MVB12B: variants seen among roughly 807,000 people sequenced by gnomAD.
MVB12B encodes ESCRT-I complex subunit MVB12B.
MVB12B carries 16 observed loss-of-function variants against 41.6 expected under a neutral mutation model. That is an observed-to-expected ratio of 0.38 (90% confidence interval 0.26 to 0.58). MVB12B has a LOEUF of 0.58. Ranked by LOEUF, MVB12B falls within the 20% of genes least tolerant of loss-of-function variation. The pLI is 0.62. For synonymous variants in MVB12B, 133 were observed against 139.7 expected, an observed-to-expected ratio of 0.95 and a Z score of 0.34; for missense variants, 274 against 380.2, an observed-to-expected ratio of 0.72 and a Z score of 2.32.
At chr9:126,348,940 T>C (rs1413589750) in intron 2 of MVB12B, among the ~76,000 whole-genome samples, 2 of 152,114 alleles carry the variant, frequency 1.3e-5, no homozygotes, top group Non-Finnish European at 2.9e-5. Context: ...TTTATTCATA[T>C]ATGATGTGGC....
In MVB12B at chr9:126,503,347, C is replaced by T. The variant is rs1834003052; in HGVS notation, c.*84C>T. Reference sequence around the variant, plus strand: ...TGCTGCCCCCGCCTCCTCCTGCCGCCTCCGCCAGCCCTCCCTCCCACACTG... The same window carrying T: ...TGCTGCCCCCGCCTCCTCCTGCCGCTTCCGCCAGCCCTCCCTCCCACACTG... On this transcript the variant is annotated 3_prime_UTR_variant, in exon 10 of 10. Coordinates refer to ENST00000361171, the MANE Select transcript of MVB12B (RefSeq NM_033446.3). The T allele has an allele frequency of 5.3e-6, 6 of 1,135,756 alleles. No individual in the cohort carries two copies. The highest frequency in any genetic ancestry group is 6.3e-6 in the Non-Finnish European group (5 of 792,222). The allele number at this position is 1,135,756 out of a possible 1,614,324, so 70.4% of individuals were successfully genotyped here.
chr9:126,390,976 A>T (rs1462216256), intron 4 of MVB12B, among the ~76,000 whole-genome samples: 2 of 151,482 alleles, frequency 1.3e-5, no homozygotes, highest in African/African-American at 4.9e-5. Context: ...AAAAGAGCAG[A>T]AGGAATGACA....
intron 8 of MVB12B, among the ~76,000 whole-genome samples, chr9:126,482,290 A>C (rs1296725898): frequency 6.6e-6 from 1 of 152,220 alleles, no homozygotes; most frequent in East Asian, 1.9e-4. Flanking sequence ...GCTAATAAAC[A>C]TGAAGGCCCC....
chr9:126,425,310 C>CA (rs1832143430), intron 7 of MVB12B, among the ~76,000 whole-genome samples: 1 of 152,126 alleles, frequency 6.6e-6, no homozygotes, highest in African/African-American at 2.4e-5. Flanking sequence ...TTAAAATTAA[C>CA]AAAAAATACA....
At position 126,469,896 on chromosome 9, in the gene MVB12B, C is replaced by T. The variant is rs191044590; in HGVS notation, c.758-11473C>T. Among the ~76,000 whole-genome samples, 14 of 152,270 alleles carry T rather than the reference C, an allele frequency of 9.2e-5. No homozygotes were observed. In the East Asian group the frequency reaches 2.7e-3, roughly 29 times the overall value. On this transcript the variant is annotated intron_variant, in intron 7 of 9. Transcript: ENST00000361171. ...AATGCAGTTGATCCCTGCCCCAAGC[C>T]ATTAAATATTTATAACGTTAAAAAA...
intron 2 of MVB12B, among the ~76,000 whole-genome samples, chr9:126,379,681 G>C (rs1419412803): frequency 2.0e-5 from 3 of 152,224 alleles, no homozygotes; most frequent in Non-Finnish European, 4.4e-5. Flanking sequence ...TGAAAAACAA[G>C]GATTTTTTCT....
intron 4 of MVB12B, among the ~76,000 whole-genome samples, chr9:126,387,643 T>G (rs1201535186): frequency 6.6e-6 from 1 of 152,252 alleles, no homozygotes; most frequent in Admixed American, 6.5e-5. Context: ...ATTTCAACAT[T>G]GGATTGCTTT....
rs778315432 is a variant in MVB12B at position 126,340,600 on chromosome 9, T to C, written c.174T>C (p.Ser58=). ...DPITGVGVVA[S]RNRAPTGYDV... Reference sequence around the variant, plus strand: ...TCACGGGAGTCGGGGTGGTGGCTTCTCGGAACCGAGCCCCGACAGGCTATG... The same window carrying C: ...TCACGGGAGTCGGGGTGGTGGCTTCCCGGAACCGAGCCCCGACAGGCTATG... Residue 58 remains serine (S), a synonymous_variant, in exon 2 of 10, where the codon TCT becomes TCC. Transcript: ENST00000361171. The surrounding 1 kb of genome is among the most constrained non-coding windows in gnomAD (Gnocchi z 4.0). The C allele has an allele frequency of 2.5e-6, 4 of 1,614,210 alleles. No homozygotes were observed. In the Admixed American group the frequency reaches 6.7e-5, roughly 27 times the overall value.
At chr9:126,423,628 T>C (rs1554778123) in intron 7 of MVB12B, among the ~76,000 whole-genome samples, 1 of 152,176 alleles carries the variant, frequency 6.6e-6, no homozygotes. Context: ...AAGCACCAAA[T>C]TGCTCTGCCA....
At chr9:126,361,431 G>A (rs1830027530) in intron 2 of MVB12B, among the ~76,000 whole-genome samples, 1 of 151,800 alleles carries the variant, frequency 6.6e-6, no homozygotes, top group South Asian at 2.1e-4. Flanking sequence ...TATCATTTTT[G>A]CTTTAAAGTT....
At position 126,484,032 on chromosome 9, in the gene MVB12B, G is replaced by C; in HGVS notation, c.873G>C (p.Glu291Asp). 4 of 1,613,972 alleles carry C rather than the reference G, an allele frequency of 2.5e-6. No individual in the cohort carries two copies. The highest frequency in any genetic ancestry group is 2.5e-6 in the Non-Finnish European group (3 of 1,179,996). Residue 291 changes from glutamate (E) to aspartate (D), a missense_variant and splice_region_variant, in exon 9 of 10, where the codon GAG becomes GAC. Coordinates refer to ENST00000361171, the MANE Select transcript of MVB12B (RefSeq NM_033446.3). ...TIKSLAEIEKEYEYSFRTEQS... is the reference protein window; with the variant it reads ...TIKSLAEIEKDYEYSFRTEQS... The stretch of plus-strand genomic sequence containing the variant: ...AATCTCTAGCAGAAATCGAAAAAGA[G>C]GTAAGCAAGCCATCAGGGGAGGGGA...
intron 7 of MVB12B, among the ~76,000 whole-genome samples, chr9:126,458,396 GCTC>G (rs1162725120): frequency 6.6e-6 from 1 of 152,160 alleles, no homozygotes; most frequent in Non-Finnish European, 1.5e-5. Flanking sequence ...CCTCTGGGCT[GCTC>G]CTTTTGGGGG....
chr9:126,462,357 C>G (rs560884663), intron 7 of MVB12B, among the ~76,000 whole-genome samples: 1 of 152,166 alleles, frequency 6.6e-6, no homozygotes, highest in Non-Finnish European at 1.5e-5. Flanking sequence ...TGTCACATTT[C>G]CGTGCCCGCA....
In MVB12B at chr9:126,414,195, T is replaced by C. The variant is rs1439046122; in HGVS notation, c.663-7659T>C. 6.6e-5 allele frequency among the ~76,000 whole-genome samples: 10 copies of C among 152,236 alleles called. 1 individual carries two copies. Among genetic ancestry groups the C allele is most frequent in the Non-Finnish European group, 5.9e-5 (4 of 68,042 alleles). On this transcript the variant is annotated intron_variant, in intron 6 of 9. Coordinates refer to ENST00000361171, the MANE Select transcript of MVB12B (RefSeq NM_033446.3). ...TGAAGGGCTTTTATATGGAGCTGTCTGCAGCTTAGTGGCCATGTTAATTGA... is the reference window on the plus strand; with the variant it reads ...TGAAGGGCTTTTATATGGAGCTGTCCGCAGCTTAGTGGCCATGTTAATTGA...
At chr9:126,485,723 T>G (rs576466586) in intron 9 of MVB12B, among the ~76,000 whole-genome samples, 1 of 151,874 alleles carries the variant, frequency 6.6e-6, no homozygotes, top group Admixed American at 6.6e-5. Context: ...GGAACACATC[T>G]GGCAGCCTGC....
chr9:126,407,431 C>T (rs1339146595), intron 6 of MVB12B, among the ~76,000 whole-genome samples: 1 of 152,170 alleles, frequency 6.6e-6, no homozygotes, highest in Non-Finnish European at 1.5e-5. Flanking sequence ...CAATAGGACA[C>T]GTTCACTCTT....
At chr9:126,465,946 C>T (rs1028470464) in intron 7 of MVB12B, among the ~76,000 whole-genome samples, 1 of 152,194 alleles carries the variant, frequency 6.6e-6, no homozygotes, top group African/African-American at 2.4e-5. Flanking sequence ...AAAGCCCTTT[C>T]TGTTTACTGA....
Position 126,340,674 on chromosome 9 carries a change from C to A in MVB12B, c.204+44C>A, listed in dbSNP as rs758817932. 4 of 1,603,738 alleles carry A rather than the reference C, an allele frequency of 2.5e-6. No homozygotes were observed. Among genetic ancestry groups the A allele is most frequent in the Non-Finnish European group, 3.4e-6 (4 of 1,172,326 alleles). ...TTGTACATTTTGCTCACTGATTCTA[C>A]AAGTATTTATCTCCTGTGTCCAAGA... is the stretch of plus-strand genomic sequence containing the variant. On this transcript the variant is annotated intron_variant, in intron 2 of 9. Transcript: ENST00000361171. The surrounding 1 kb of genome is among the most constrained non-coding windows in gnomAD (Gnocchi z 4.0).
intron 6 of MVB12B, chr9:126,408,341 G>A (rs1270880364): frequency 1.3e-5 from 2 of 152,192 alleles, no homozygotes; most frequent in Non-Finnish European, 2.9e-5. Flanking sequence ...CTCATTAAAA[G>A]AGATTTTCTT....
Sources: allele counts gnomAD v4.1 joint callset (sites outside exome capture counted in the v4.1 genomes callset), GRCh38; gene constraint gnomAD v4.1.1; non-coding constraint Gnocchi (gnomAD v3.1); transcripts MANE v1.5; gene names NCBI Gene and HGNC (gene_info 2026-07-23, HGNC 2026-07-21).